Variants in SRCIN1 observed in about 807,000 individuals in gnomAD.
SRCIN1 encodes the protein SRC kinase signaling inhibitor 1, also known as P130Cas-associated protein.
Under a neutral mutation model 116.2 loss-of-function variants are expected in SRCIN1, and 50 were observed. The observed-to-expected ratio is 0.43, with a 90% CI of 0.34 to 0.54. SRCIN1 has a LOEUF of 0.54. Ranked by LOEUF, SRCIN1 falls within the 20% of genes least tolerant of loss-of-function variation. SRCIN1 has a pLI of 0.02. For synonymous variants in SRCIN1, 736 were observed against 750.0 expected (o/e 0.98, Z 0.30); for missense variants, 1,446 against 1,672.0 (o/e 0.86, Z 2.36).
intron 1 of SRCIN1, among the ~76,000 whole-genome samples, chr17:38,579,323 C>T (rs866418591): frequency 1.3e-5 from 2 of 152,198 alleles, no homozygotes; most frequent in Non-Finnish European, 2.9e-5. Context: ...ATCCTCAAGG[C>T]TGGGCGCCGG....
At chr17:38,598,459 T>C (rs1412221490) in intron 1 of SRCIN1, among the ~76,000 whole-genome samples, 4 of 152,158 alleles carry the variant, frequency 2.6e-5, no homozygotes, top group Admixed American at 2.0e-4. Context: ...TCCCCAGCTC[T>C]GCACAAGCAG....
intron 18 of SRCIN1, among the ~76,000 whole-genome samples, chr17:38,539,655 G>A (rs1272643383): frequency 6.6e-6 from 1 of 152,168 alleles, no homozygotes; most frequent in Non-Finnish European, 1.5e-5. Context: ...GGGAGTCACA[G>A]CCTCCTGCTC....
At chr17:38,589,833 C>T (rs1274585403) in intron 1 of SRCIN1, among the ~76,000 whole-genome samples, 1 of 152,220 alleles carries the variant, frequency 6.6e-6, no homozygotes, top group Non-Finnish European at 1.5e-5. Context: ...ATCTGCAGCC[C>T]ATGATTCTCT....
intron 1 of SRCIN1, among the ~76,000 whole-genome samples, chr17:38,593,402 G>C (rs1359151075): frequency 6.6e-6 from 1 of 152,072 alleles, no homozygotes; most frequent in East Asian, 1.9e-4. Context: ...CAGAGAGTGA[G>C]GAAAAGGGGC....
intron 1 of SRCIN1, among the ~76,000 whole-genome samples, chr17:38,587,925 C>T (rs566718672): frequency 6.6e-6 from 1 of 151,398 alleles, no homozygotes; most frequent in South Asian, 2.1e-4. Context: ...TCTTTCTTCC[C>T]CCTGCCCCTC....
intron 1 of SRCIN1, among the ~76,000 whole-genome samples, chr17:38,594,818 C>T (rs1908635862): frequency 6.6e-6 from 1 of 152,032 alleles, no homozygotes; most frequent in African/African-American, 2.4e-5. Flanking sequence ...GGCTGCTGGT[C>T]CTGGGCCCAG....
intron 17 of SRCIN1, 56 bp downstream of exon 17, chr17:38,548,501 C>G: frequency 6.3e-7 from 1 of 1,597,394 alleles, no homozygotes; most frequent in Admixed American, 1.7e-5. Flanking sequence ...GGGGGGCAGC[C>G]TGGGAGGGAA....
At position 38,533,255 on chromosome 17, in the gene SRCIN1, A is replaced by C; in HGVS notation, c.*42T>G. On this transcript the variant is annotated 3_prime_UTR_variant, in exon 19 of 19. Transcript: ENST00000617146. ...AGGAAGAGAGGGGAGAAATGGCAGG[A>C]GTGAGGGAGGGGGACAGGCGGGGCA... The C allele has an allele frequency of 7.5e-7, 1 of 1,335,616 alleles. No individual in the cohort carries two copies. Among genetic ancestry groups the C allele is most frequent in the Non-Finnish European group, 1.0e-6 (1 of 990,912 alleles). The allele number at this position is 1,335,616 out of a possible 1,614,324, so 82.7% of individuals were successfully genotyped here.
At chr17:38,550,096 A>G (rs938306134) in intron 15 of SRCIN1, among the ~76,000 whole-genome samples, 2 of 152,236 alleles carry the variant, frequency 1.3e-5, no homozygotes, top group African/African-American at 4.8e-5. Context: ...TCTGGTTTAC[A>G]TACTAGGCAT....
intron 18 of SRCIN1, 25 bp downstream of exon 18, chr17:38,543,798 T>C (rs1319076197): frequency 8.8e-6 from 14 of 1,598,914 alleles, no homozygotes; most frequent in Non-Finnish European, 1.2e-5. Flanking sequence ...TGGGCCTGGG[T>C]GGCCCCCACA....
Position 38,551,221 on chromosome 17 carries a change from G to A in SRCIN1, c.2896C>T (p.Pro966Ser). ...PGPAPTPDHK[P>S]PKAPHGQKAA... ...TTCTGGCCGTGGGGGGCCTTGGGGG[G>A]CTTGTGATCTGGAGTGGGGGCCGGG... The change falls in exon 15 of 19, where the codon CCC becomes TCC. Residue 966 changes from proline (P) to serine (S), a missense_variant. This residue lies in a region of SRCIN1 where 531 missense variants were observed against 633.9 expected (regional missense o/e 0.84). Transcript: ENST00000617146. The A allele has an allele frequency of 6.2e-7, 1 of 1,607,052 alleles. No individual in the cohort carries two copies. The highest frequency in any genetic ancestry group is 8.5e-7 in the Non-Finnish European group (1 of 1,176,666).
intron 2 of SRCIN1, among the ~76,000 whole-genome samples, chr17:38,569,701 C>A (rs1157409318): frequency 2.0e-5 from 3 of 152,196 alleles, no homozygotes; most frequent in Non-Finnish European, 4.4e-5. Flanking sequence ...AAAACAGTCA[C>A]ATACCAGGCA....
rs1422363336 is a variant in SRCIN1 at position 38,602,899 on chromosome 17, C to A, written c.22+2785G>T. ...CAAACTCAGCTCCCTCAGTTCAAAT[C>A]CTCAACACTGTCTCCCTTCTTTCCC... On this transcript the variant is annotated intron_variant, in intron 1 of 18. Transcript: ENST00000617146. The surrounding 1 kb of genome is among the most constrained non-coding windows in gnomAD (Gnocchi z 4.2). Among the ~76,000 whole-genome samples the A allele has an allele frequency of 6.6e-6, 1 of 152,188 alleles. No individual in the cohort carries two copies. Among genetic ancestry groups the A allele is most frequent in the Non-Finnish European group, 1.5e-5 (1 of 68,038 alleles).
rs774451150 is a variant in SRCIN1, at chr17:38,568,076, C to T, written c.345+135G>A. On this transcript the variant is annotated intron_variant, in intron 3 of 18. Coordinates refer to ENST00000617146, the MANE Select transcript of SRCIN1 (RefSeq NM_025248.3). The surrounding 1 kb of genome is among the most constrained non-coding windows in gnomAD (Gnocchi z 4.5). ...AAGCAGCAGCCACAGCCTGCAGCCCCGAGGCCCACCGCCCATACCAGAAGG... is the reference window on the plus strand; with the variant it reads ...AAGCAGCAGCCACAGCCTGCAGCCCTGAGGCCCACCGCCCATACCAGAAGG... The T allele has an allele frequency of 1.4e-5, 15 of 1,093,308 alleles. 1 individual carries two copies. The highest frequency in any genetic ancestry group is 4.0e-5 in the South Asian group (3 of 74,330). 67.7% of individuals were successfully genotyped at this position (1,093,308 alleles called of 1,614,324 possible).
intron 15 of SRCIN1, among the ~76,000 whole-genome samples, chr17:38,550,384 C>T (rs1905311771): frequency 6.6e-6 from 1 of 152,130 alleles, no homozygotes; most frequent in Non-Finnish European, 1.5e-5. Context: ...GTCCCAGCTA[C>T]TCGGGAGGCT....
At chr17:38,577,975 CCGTT>C (rs1907516768) in intron 2 of SRCIN1, among the ~76,000 whole-genome samples, 1 of 152,124 alleles carries the variant, frequency 6.6e-6, no homozygotes, top group African/African-American at 2.4e-5. Flanking sequence ...TCAAAGGCTC[CCGTT>C]CTGGGCTCCA....
chr17:38,561,950 C>G lies in SRCIN1; in HGVS notation c.1213G>C (p.Glu405Gln), dbSNP rs1427180897. 1.2e-5 allele frequency: 17 copies of G among 1,465,566 alleles called. No individual in the cohort carries two copies. Among genetic ancestry groups the G allele is most frequent in the Non-Finnish European group, 1.5e-5 (17 of 1,120,708 alleles). The allele number at this position is 1,465,566 out of a possible 1,614,324, so 90.8% of individuals were successfully genotyped here. A position where few individuals can be genotyped will look rare whatever the true frequency, so the allele number is the denominator to read the frequency against. The change falls in exon 7 of 19, where the codon GAG (glutamate) becomes CAG (glutamine). Residue 405 changes from glutamate to glutamine, a missense_variant. Around this residue, in one of 5 missense-constraint regions of SRCIN1, gnomAD observed 239 missense variants for 317.7 expected, o/e 0.75. Coordinates refer to ENST00000617146, the MANE Select transcript of SRCIN1 (RefSeq NM_025248.3). ...GCCGCGGCCAGGCTCAGACGGCCCT[C>G]GTGCAGCAGCCCGTAGGGGTCAGCA... ...LYADPYGLLH[E>Q]GRLSLAAAAG...
chr17:38,546,003 G>T (rs1905049520), intron 17 of SRCIN1, among the ~76,000 whole-genome samples: 1 of 152,220 alleles, frequency 6.6e-6, no homozygotes, highest in African/African-American at 2.4e-5. Context: ...TTCACAGCTA[G>T]AAGGGGTGGG....
rs151164930 is a variant in SRCIN1, at chr17:38,540,740, G to GGTGTGTGTGT, written c.3417+3073_3417+3082dup. ...GGGGCAGGGATTTTAAGCTGGCAGG[G>GGTGTGTGTGT]GTGTGTGTGTGTGTGTGTGTGTGTG... On this transcript the variant is annotated intron_variant, in intron 18 of 18. Transcript: ENST00000617146. Among the ~76,000 whole-genome samples, 99 of 146,848 alleles carry GGTGTGTGTGT rather than the reference G, an allele frequency of 6.7e-4. 1 individual carries two copies. The highest frequency in any genetic ancestry group is 3.2e-3 in the South Asian group (15 of 4,624).
Sources: allele counts gnomAD v4.1 joint callset (sites outside exome capture counted in the v4.1 genomes callset), GRCh38; gene constraint gnomAD v4.1.1; regional missense constraint gnomAD v4.1.1; non-coding constraint Gnocchi (gnomAD v3.1); transcripts MANE v1.5; gene names NCBI Gene and HGNC (gene_info 2026-07-23, HGNC 2026-07-21).